SLCO1B3: variants seen among roughly 807,000 people sequenced by gnomAD.
SLCO1B3 encodes the protein solute carrier organic anion transporter family member 1B3.
A neutral mutation model predicts 71.8 loss-of-function variants in SLCO1B3; 72 were observed. That is an observed-to-expected ratio of 1.00 (90% confidence interval 0.83 to 1.22). SLCO1B3 has a LOEUF of 1.22. Ranked by LOEUF, SLCO1B3 falls within the 50% of genes most tolerant of loss-of-function variation. The pLI is 0.00. For missense variants in SLCO1B3, 911 were observed against 819.7 expected (o/e 1.11, Z -1.36); for synonymous variants, 298 against 278.4 (o/e 1.07, Z -0.70).
At chr12:20,882,749 T>G (rs543057414) in intron 12 of SLCO1B3, among the ~76,000 whole-genome samples, 1 of 152,284 alleles carries the variant, frequency 6.6e-6, no homozygotes, top group African/African-American at 2.4e-5. Flanking sequence ...TCAGCAGTAG[T>G]AGGTTCAAGA....
At position 20,862,501 on chromosome 12, in the gene SLCO1B3, T is replaced by C. The variant is rs534211468; in HGVS notation, c.571T>C (p.Leu191=). The change falls in exon 7 of 16, where the codon TTG becomes CTG. Residue 191 remains leucine, a synonymous_variant. Coordinates refer to ENST00000381545, the MANE Select transcript of SLCO1B3 (RefSeq NM_019844.4). ...RGIGETPIVP[L]GISYIDDFAK... ...CATAGGGGAAACCCCCATAGTACCA[T>C]TGGGGATTTCATACATTGATGATTT... The C allele has an allele frequency of 2.5e-6, 4 of 1,611,704 alleles. No homozygotes were observed. In the Admixed American group the frequency reaches 5.0e-5, roughly 20 times the overall value.
chr12:20,872,686 G>A (rs1332953991), intron 8 of SLCO1B3, among the ~76,000 whole-genome samples: 2 of 152,062 alleles, frequency 1.3e-5, no homozygotes, highest in Non-Finnish European at 1.5e-5. Flanking sequence ...TTCCCTTCAA[G>A]GCAGTGGATT....
At chr12:20,833,918 A>T (rs1272703316) in intron 3 of SLCO1B3, among the ~76,000 whole-genome samples, 1 of 146,678 alleles carries the variant, frequency 6.8e-6, no homozygotes, top group Non-Finnish European at 1.5e-5. Flanking sequence ...TATAGTAAAC[A>T]TGTGTACACA....
chr12:20,862,591 A>G (rs1371820358), intron 7 of SLCO1B3, 33 bp downstream of exon 7: 2 of 1,559,154 alleles, frequency 1.3e-6, no homozygotes, highest in African/African-American at 1.4e-5. Flanking sequence ...TTTCATGATT[A>G]CATTCCCTGG....
chr12:20,845,389 G>A (rs1300636613), intron 3 of SLCO1B3: 1 of 199,990 alleles, frequency 5.0e-6, no homozygotes, highest in Non-Finnish European at 1.0e-5. Context: ...CTGGCTATAT[G>A]GGACTCTCAT....
chr12:20,876,197 C>A (rs1183408050), intron 9 of SLCO1B3, among the ~76,000 whole-genome samples: 2 of 151,942 alleles, frequency 1.3e-5, no homozygotes, highest in Non-Finnish European at 2.9e-5. Flanking sequence ...ATTAGGATTC[C>A]TTACCACTTG....
At chr12:20,819,841 C>G (rs760609782) in intron 3 of SLCO1B3, among the ~76,000 whole-genome samples, 1 of 151,888 alleles carries the variant, frequency 6.6e-6, no homozygotes, top group African/African-American at 2.4e-5. Flanking sequence ...GTAGAGGTAT[C>G]TTATACTTGT....
chr12:20,912,641 A>G (rs1866408335), intron 15 of SLCO1B3, among the ~76,000 whole-genome samples: 1 of 151,168 alleles, frequency 6.6e-6, no homozygotes, highest in Admixed American at 6.6e-5. Context: ...CTCCTACCTC[A>G]GCCTCCTGAA....
At chr12:20,814,647 T>C (rs1183207927) in intron 2 of SLCO1B3, among the ~76,000 whole-genome samples, 1 of 152,106 alleles carries the variant, frequency 6.6e-6, no homozygotes, top group African/African-American at 2.4e-5. Context: ...TCCCAGCACT[T>C]TGGGAGGCCG....
intron 15 of SLCO1B3, among the ~76,000 whole-genome samples, chr12:20,906,011 A>G (rs937305119): frequency 1.3e-5 from 2 of 152,132 alleles, no homozygotes; most frequent in African/African-American, 4.8e-5. Context: ...GGGAAGGACT[A>G]CACACTTCTA....
chr12:20,837,242 T>G (rs1864703759), intron 3 of SLCO1B3, among the ~76,000 whole-genome samples: 1 of 152,056 alleles, frequency 6.6e-6, no homozygotes, highest in Non-Finnish European at 1.5e-5. Flanking sequence ...CCTATAAATT[T>G]TATGGATCTT....
chr12:20,862,284 A>T, intron 6 of SLCO1B3, 128 bp from the exon 7 acceptor site: 1 of 1,093,898 alleles, frequency 9.1e-7, no homozygotes. Context: ...TGTAAAGTGA[A>T]TATGAATCAC....
At chr12:20,895,860 C>T (rs983388999) in intron 13 of SLCO1B3, among the ~76,000 whole-genome samples, 32 of 152,342 alleles carry the variant, frequency 2.1e-4, no homozygotes, top group African/African-American at 7.5e-4. Context: ...TCTTCCTGGG[C>T]ATCCAGGCAT....
chr12:20,850,840 T>A (rs1251637629), intron 3 of SLCO1B3, among the ~76,000 whole-genome samples: 1 of 152,212 alleles, frequency 6.6e-6, no homozygotes. Context: ...ATTGCTGGGT[T>A]GAATGATAAT....
chr12:20,914,394 T>C (rs1018049875), intron 15 of SLCO1B3, among the ~76,000 whole-genome samples: 2 of 152,218 alleles, frequency 1.3e-5, no homozygotes, highest in Admixed American at 6.5e-5. Flanking sequence ...AGTACCCTTA[T>C]AATACCAAAA....
At chr12:20,877,685 T>A (rs1865608193) in intron 9 of SLCO1B3, 87 bp from the exon 10 acceptor site, 1 of 539,878 alleles carries the variant, frequency 1.9e-6, no homozygotes, top group Admixed American at 4.6e-5. Flanking sequence ...CATTTGTAAC[T>A]TTAAGTCTTA....
chr12:20,825,573 A>T (rs1480609320), intron 3 of SLCO1B3, among the ~76,000 whole-genome samples: 1 of 152,126 alleles, frequency 6.6e-6, no homozygotes, highest in Non-Finnish European at 1.5e-5. Flanking sequence ...AGGCGGGCAG[A>T]TCACTTGAGG....
intron 14 of SLCO1B3, among the ~76,000 whole-genome samples, chr12:20,899,659 C>T (rs975766054): frequency 2.6e-5 from 4 of 152,164 alleles, no homozygotes; most frequent in Admixed American, 2.0e-4. Context: ...TCTCTACCTC[C>T]AGATTCAGAG....
At chr12:20,854,442 G>A (rs1406421269) in intron 3 of SLCO1B3, among the ~76,000 whole-genome samples, 4 of 151,958 alleles carry the variant, frequency 2.6e-5, no homozygotes, top group East Asian at 1.9e-4. Flanking sequence ...ATTTTATGCC[G>A]CTATAATGTC....
Sources: allele counts gnomAD v4.1 joint callset (sites outside exome capture counted in the v4.1 genomes callset), GRCh38; gene constraint gnomAD v4.1.1; transcripts MANE v1.5; gene names NCBI Gene and HGNC (gene_info 2026-07-23, HGNC 2026-07-21).